Variants in BPIFA2 observed in about 807,000 individuals in gnomAD.
The protein encoded by BPIFA2 is BPI fold containing family A member 2, also known as BPI fold-containing family A member 2.
In BPIFA2, 20 loss-of-function variants were observed where a neutral mutation model predicts 25.7. That is an observed-to-expected ratio of 0.78 (90% CI 0.55 to 1.13). The LOEUF is 1.13. BPIFA2 is among the 50% of genes most tolerant of loss of function. BPIFA2 has a pLI of 0.00. For synonymous variants in BPIFA2, 126 were observed against 124.3 expected (o/e 1.01, Z -0.09); for missense variants, 300 against 298.1 (o/e 1.01, Z -0.05).
At chr20:33,180,227 A>G (rs552793103) in intron 7 of BPIFA2, among the ~76,000 whole-genome samples, 6 of 147,084 alleles carry the variant, frequency 4.1e-5, no homozygotes, top group South Asian at 4.4e-4. Flanking sequence ...TCAAAAAAAG[A>G]AAAAAAAAAA....
chr20:33,178,398 T>G (rs1321426), intron 6 of BPIFA2, among the ~76,000 whole-genome samples, 170 bp downstream of exon 6: 25,528 of 152,004 alleles, frequency 0.17, 5,446 homozygotes, highest in African/African-American at 0.5. Flanking sequence ...GGTAGCAGGG[T>G]AGAGCAGAGG....
chr20:33,178,256 A>G, intron 6 of BPIFA2, 28 bp downstream of exon 6: 1 of 1,526,934 alleles, frequency 6.5e-7, no homozygotes, highest in Non-Finnish European at 9.1e-7. Flanking sequence ...TGGAGCCCAG[A>G]TCCAGGCCTG....
rs17124290 is a variant in BPIFA2, at chr20:33,175,278, G to A, written c.411-129G>A. 7,462 of 902,918 alleles carry A rather than the reference G, an allele frequency of 8.3e-3. 296 individuals are homozygous for A. The African/African-American group carries it at 0.098, about 12-fold the overall frequency. 55.9% of individuals were successfully genotyped at this position (902,918 alleles called of 1,614,324 possible). On this transcript the variant is annotated intron_variant, in intron 4 of 8. Coordinates refer to ENST00000354932, the MANE Select transcript of BPIFA2 (RefSeq NM_080574.4). ...TCTCATAGAGGATATGGACCATGTT[G>A]ATATTACCTGGGCCATGTTGACATT...
upstream of BPIFA2, among the ~76,000 whole-genome samples, chr20:33,163,995 G>A (rs1006975763): frequency 1.3e-5 from 2 of 152,080 alleles, no homozygotes; most frequent in Non-Finnish European, 2.9e-5. Context: ...TCTGGTTGCT[G>A]GGAGGAGTAA....
At chr20:33,172,845 A>G in intron 2 of BPIFA2, 87 bp from the exon 3 acceptor site, 3 of 1,393,410 alleles carry the variant, frequency 2.2e-6, no homozygotes, top group Non-Finnish European at 2.9e-6. Context: ...ATGAAATAAC[A>G]TAGGCAAACA....
intron 1 of BPIFA2, chr20:33,161,966 C>T (rs1422228738): frequency 2.0e-5 from 3 of 152,110 alleles, no homozygotes; most frequent in Non-Finnish European, 4.4e-5. Flanking sequence ...AGCTATGGTA[C>T]TTCTCCCATG....
chr20:33,179,906 G>A (rs966467346), intron 7 of BPIFA2, among the ~76,000 whole-genome samples: 1 of 152,146 alleles, frequency 6.6e-6, no homozygotes, highest in African/African-American at 2.4e-5. Flanking sequence ...GACCCTGGAG[G>A]TGACCCTTCT....
chr20:33,176,903 T>C (rs373643824), intron 5 of BPIFA2, among the ~76,000 whole-genome samples: 1 of 152,196 alleles, frequency 6.6e-6, no homozygotes, highest in African/African-American at 2.4e-5. Flanking sequence ...AGCACCTTCT[T>C]CTCACTCCAC....
At chr20:33,165,935 C>A (rs1983710180), upstream of BPIFA2, among the ~76,000 whole-genome samples, 1 of 152,020 alleles carries the variant, frequency 6.6e-6, no homozygotes, top group African/African-American at 2.4e-5. Context: ...CTCTGAGGAT[C>A]CCAACCTCCC....
intron 7 of BPIFA2, 33 bp from the exon 8 acceptor site, chr20:33,180,487 G>A: frequency 2.5e-6 from 4 of 1,604,648 alleles, no homozygotes; most frequent in Non-Finnish European, 3.4e-6. Context: ...CAGTGGCAGA[G>A]ACTAAGGCCT....
Position 33,174,093 on chromosome 20 carries a change from A to G in BPIFA2, c.317A>G (p.Asn106Ser). The change falls in exon 4 of 9, where the codon AAC (asparagine) becomes AGC (serine). Residue 106 changes from asparagine to serine, a missense_variant. Coordinates refer to ENST00000354932, the MANE Select transcript of BPIFA2 (RefSeq NM_080574.4). ...NTDIFGLKISNSLILDVKAEP... is the reference protein window; with the variant it reads ...NTDIFGLKISSSLILDVKAEP... ...GTTTCACACAGGTTGAAAATCAGCAACTCCCTCATCCTGGATGTCAAAGCT... is the reference window on the plus strand; with the variant it reads ...GTTTCACACAGGTTGAAAATCAGCAGCTCCCTCATCCTGGATGTCAAAGCT... The G allele has an allele frequency of 6.2e-7, 1 of 1,613,772 alleles. No individual in the cohort carries two copies. Among genetic ancestry groups the G allele is most frequent in the Middle Eastern group, 1.6e-4 (1 of 6,062 alleles).
At chr20:33,175,864 C>G (rs1984060045) in intron 5 of BPIFA2, among the ~76,000 whole-genome samples, 1 of 152,156 alleles carries the variant, frequency 6.6e-6, no homozygotes, top group African/African-American at 2.4e-5. Flanking sequence ...GCCTCTCTGC[C>G]TGCTGGTTCT....
chr20:33,174,108 A>T lies in BPIFA2; in HGVS notation c.332A>T (p.Asp111Val), dbSNP rs776857886. 1.2e-6 allele frequency: 2 copies of T among 1,614,152 alleles called. No homozygotes were observed. The highest frequency in any genetic ancestry group is 8.5e-7 in the Non-Finnish European group (1 of 1,180,012). The stretch of plus-strand genomic sequence containing the variant: ...AAAATCAGCAACTCCCTCATCCTGG[A>T]TGTCAAAGCTGAACCGATCGATGAT... ...GLKISNSLIL[D>V]VKAEPIDDGK... The change falls in exon 4 of 9, where the codon GAT (aspartate) becomes GTT (valine). Residue 111 changes from aspartate (D) to valine (V), a missense_variant. Transcript: ENST00000354932.
chr20:33,178,018 T>C (rs1984141108), intron 5 of BPIFA2, 129 bp from the exon 6 acceptor site: 1 of 613,334 alleles, frequency 1.6e-6, no homozygotes, highest in South Asian at 2.1e-5. Flanking sequence ...GCTCTGTCTG[T>C]TAAAGTGTCT....
intron 7 of BPIFA2, 109 bp downstream of exon 7, chr20:33,179,776 C>T (rs1325403645): frequency 3.5e-6 from 4 of 1,156,700 alleles, no homozygotes; most frequent in Middle Eastern, 2.3e-4. Flanking sequence ...GACCCACTGT[C>T]CTAAGCAAAT....
intron 5 of BPIFA2, 102 bp downstream of exon 5, chr20:33,175,661 T>C: frequency 7.7e-7 from 1 of 1,303,436 alleles, no homozygotes; most frequent in Non-Finnish European, 1.1e-6. Flanking sequence ...GTGGTGAAAG[T>C]GTTCAGGCTC....
At chr20:33,175,201 T>C (rs73268248) in intron 4 of BPIFA2, among the ~76,000 whole-genome samples, 2,170 of 152,286 alleles carry the variant, frequency 0.014, 44 homozygotes, top group African/African-American at 0.049. Context: ...AAAATTCATA[T>C]GAGCTAAACC....
upstream of BPIFA2, among the ~76,000 whole-genome samples, chr20:33,164,247 C>T (rs1983656997): frequency 6.6e-6 from 1 of 152,154 alleles, no homozygotes. Flanking sequence ...AGGGCCAGGC[C>T]CACTTTAGCA....
At position 33,179,607 on chromosome 20, in the gene BPIFA2, T is replaced by A; in HGVS notation, c.649T>A (p.Cys217Ser). The A allele has an allele frequency of 6.2e-7, 1 of 1,610,006 alleles. No homozygotes were observed. The highest frequency in any genetic ancestry group is 8.5e-7 in the Non-Finnish European group (1 of 1,176,420). The change falls in exon 7 of 9, where the codon TGT (cysteine) becomes AGT (serine). Residue 217 changes from cysteine to serine, a missense_variant. Physicochemically the swap from Cys to Ser is moderately radical, Grantham distance 112. Transcript: ENST00000354932. Reference protein sequence around the residue: ...TVSSLLQKEICPLIRIFIHSL... With the variant: ...TVSSLLQKEISPLIRIFIHSL... ...TTCCTCCTTTCTCCGCTGTCAGATA[T>A]GTCCACTGATCCGCATCTTCATCCA...
Sources: gnomAD v4.1 joint callset for allele counts (sites outside exome capture counted in the v4.1 genomes callset) on GRCh38, gnomAD v4.1.1 for gene constraint, MANE v1.5 for transcripts, NCBI Gene and HGNC (gene_info 2026-07-23, HGNC 2026-07-21) for gene names.